Variants in CADPS observed in about 807,000 individuals in gnomAD.
CADPS encodes calcium dependent secretion activator, also known as calcium-dependent secretion activator 1.
CADPS carries 57 observed loss-of-function variants against 167.3 expected under a neutral mutation model. That is an observed-to-expected ratio of 0.34 (90% CI 0.28 to 0.42). The LOEUF (loss-of-function observed/expected upper bound fraction) is 0.42, where lower values mean the gene tolerates loss of function less well. CADPS is among the 20% of genes least tolerant of loss of function. The pLI, the probability that CADPS is intolerant of heterozygous loss-of-function variation, is 1.00. For synonymous variants in CADPS, 676 were observed against 635.3 expected (o/e 1.06, Z -0.96); for missense variants, 1,414 against 1,738.1 (o/e 0.81, Z 3.32).
intron 8 of CADPS, among the ~76,000 whole-genome samples, chr3:62,577,928 T>C (rs890614747): frequency 1.1e-4 from 17 of 151,408 alleles, no homozygotes; most frequent in African/African-American, 4.1e-4. Flanking sequence ...AGCAGAAAAA[T>C]AGGAAAAAGG....
chr3:62,760,762 C>G (rs2085201880), intron 2 of CADPS, among the ~76,000 whole-genome samples: 1 of 152,098 alleles, frequency 6.6e-6, no homozygotes, highest in African/African-American at 2.4e-5. Context: ...GAAAAATAGC[C>G]AGTGTGACCT....
chr3:62,520,955 A>G (rs1051985280), intron 13 of CADPS, among the ~76,000 whole-genome samples: 19 of 152,206 alleles, frequency 1.2e-4, no homozygotes, highest in Non-Finnish European at 2.6e-4. Flanking sequence ...TCTCTATAGA[A>G]CTATTAACTG....
intron 18 of CADPS, among the ~76,000 whole-genome samples, chr3:62,498,657 C>T (rs964969466): frequency 2.0e-5 from 3 of 151,376 alleles, no homozygotes; most frequent in Admixed American, 6.6e-5. Context: ...ACAAGTTGAA[C>T]GACACAGAAT....
At chr3:62,776,038 A>C (rs573253363) in intron 1 of CADPS, among the ~76,000 whole-genome samples, 32 of 152,322 alleles carry the variant, frequency 2.1e-4, no homozygotes, top group African/African-American at 6.3e-4. Flanking sequence ...TAATGTTAAC[A>C]TAGTGAGAAA....
chr3:62,700,526 C>G (rs930434965), intron 3 of CADPS, among the ~76,000 whole-genome samples: 3 of 152,064 alleles, frequency 2.0e-5, no homozygotes, highest in Non-Finnish European at 4.4e-5. Flanking sequence ...AGTCATCCTA[C>G]TAGAGATGAT....
intron 4 of CADPS, among the ~76,000 whole-genome samples, chr3:62,654,343 G>A (rs1444871155): frequency 6.6e-6 from 1 of 152,136 alleles, no homozygotes; most frequent in East Asian, 1.9e-4. Context: ...TGTAATGGAA[G>A]TATAATGTGA....
intron 3 of CADPS, among the ~76,000 whole-genome samples, chr3:62,691,265 T>A (rs954043232): frequency 6.6e-6 from 1 of 152,012 alleles, no homozygotes; most frequent in East Asian, 1.9e-4. Flanking sequence ...ATTATGTATT[T>A]GCCAAAACCT....
chr3:62,526,331 C>T (rs62243495), intron 13 of CADPS, among the ~76,000 whole-genome samples: 4 of 152,050 alleles, frequency 2.6e-5, no homozygotes, highest in East Asian at 3.8e-4. Flanking sequence ...CTTTGGATTG[C>T]GGCGGTTGGC....
intron 3 of CADPS, among the ~76,000 whole-genome samples, chr3:62,705,381 A>G (rs555783826): frequency 6.6e-6 from 1 of 152,256 alleles, no homozygotes; most frequent in Admixed American, 6.5e-5. Flanking sequence ...CCTAGCAGAC[A>G]GGCATAACAA....
chr3:62,541,738 T>C (rs970899977), intron 11 of CADPS, among the ~76,000 whole-genome samples: 8 of 152,198 alleles, frequency 5.3e-5, no homozygotes, highest in African/African-American at 1.7e-4. Context: ...CTCTGTCATC[T>C]ATGTTGTTCT....
At chr3:62,466,840 ATGAAGACACTG>A (rs1183171032) in intron 24 of CADPS, among the ~76,000 whole-genome samples, 1 of 152,180 alleles carries the variant, frequency 6.6e-6, no homozygotes, top group Non-Finnish European at 1.5e-5. Context: ...AGGGAATTTG[ATGAAGACACTG>A]TGACTAATTT....
chr3:62,657,521 C>T (rs1393608361), intron 4 of CADPS, among the ~76,000 whole-genome samples: 1 of 152,124 alleles, frequency 6.6e-6, no homozygotes, highest in African/African-American at 2.4e-5. Flanking sequence ...AGACTTAATT[C>T]CTGGGTGAAA....
At chr3:62,824,359 G>C (rs1316490593) in intron 1 of CADPS, among the ~76,000 whole-genome samples, 5 of 152,108 alleles carry the variant, frequency 3.3e-5, no homozygotes, top group Non-Finnish European at 7.4e-5. Context: ...AGATTTAATA[G>C]CACCTTGAAT....
intron 28 of CADPS, among the ~76,000 whole-genome samples, chr3:62,419,288 A>G (rs900552631): frequency 3.3e-5 from 5 of 152,034 alleles, no homozygotes; most frequent in African/African-American, 7.3e-5. Flanking sequence ...GCATTAACAA[A>G]CTGACCACTG....
chr3:62,854,142 G>A lies in CADPS; in HGVS notation c.441+20447C>T, dbSNP rs57643652. ...AAAATGCAGAAATGTCACCTCAGAA[G>A]GTTTTTAAAGTTATTTGCTTGCCAT... On this transcript the variant is annotated intron_variant, in intron 1 of 29. Coordinates refer to ENST00000383710, the MANE Select transcript of CADPS (RefSeq NM_003716.4). 6.5e-3 allele frequency among the ~76,000 whole-genome samples: 996 copies of A among 152,208 alleles called. 14 individuals are homozygous for A. Among genetic ancestry groups the A allele is most frequent in the African/African-American group, 0.022 (926 of 41,532 alleles).
chr3:62,474,170 T>TTTTTTTTTTTTA lies in CADPS; in HGVS notation c.3477+2_3477+3insTAAAAAAAAAAA. 36 of 1,475,314 alleles carry TTTTTTTTTTTTA rather than the reference T, an allele frequency of 2.4e-5. No individual in the cohort carries two copies. The highest frequency in any genetic ancestry group is 2.8e-5 in the Non-Finnish European group (31 of 1,105,810). The allele number at this position is 1,475,314 out of a possible 1,614,324, so 91.4% of individuals were successfully genotyped here. A position where few individuals can be genotyped will look rare whatever the true frequency, so the allele number is the denominator to read the frequency against. On this transcript the variant is annotated splice_region_variant and intron_variant, in intron 24 of 29. Transcript: ENST00000383710. ...AAATCTGTATTTTTTTTTTTTTTTT[T>TTTTTTTTTTTTA]ACCTCTTGGCCCATTTCCATGCTGC...
chr3:62,576,858 C>T (rs867667138), intron 8 of CADPS, among the ~76,000 whole-genome samples: 1 of 136,666 alleles, frequency 7.3e-6, no homozygotes, highest in Admixed American at 7.5e-5. Flanking sequence ...GGGTGCACAT[C>T]TGTTGGGAAG....
intron 1 of CADPS, among the ~76,000 whole-genome samples, chr3:62,850,997 CTTG>C (rs1454736512): frequency 1.4e-5 from 2 of 145,712 alleles, no homozygotes; most frequent in Non-Finnish European, 3.0e-5. Context: ...GTTAGCTCCT[CTTG>C]TTGAATTGAT....
chr3:62,798,550 A>G (rs2093585950), intron 1 of CADPS, among the ~76,000 whole-genome samples: 1 of 152,056 alleles, frequency 6.6e-6, no homozygotes. Flanking sequence ...TGATTGTGTG[A>G]GTCAATAATC....
Sources: gnomAD v4.1 joint callset for allele counts (sites outside exome capture counted in the v4.1 genomes callset) on GRCh38, gnomAD v4.1.1 for gene constraint, MANE v1.5 for transcripts, NCBI Gene and HGNC (gene_info 2026-07-23, HGNC 2026-07-21) for gene names.